The following C2CD3 variants were observed in gnomAD, a reference collection of about 807,000 sequenced individuals.
C2CD3 encodes C2 domain-containing protein 3.
In C2CD3, 148 loss-of-function variants were observed where a neutral mutation model predicts 234.0. The observed-to-expected ratio is 0.63, with a 90% confidence interval of 0.55 to 0.72. C2CD3 has a LOEUF of 0.72. Among genes scored for constraint, C2CD3 ranks in the 30% least tolerant of loss-of-function variants. C2CD3 has a pLI of 0.00. For missense variants in C2CD3, 2,577 were observed against 2,811.5 expected (o/e 0.92, Z 1.89); for synonymous variants, 1,000 against 1,035.4 (o/e 0.97, Z 0.66).
In C2CD3 at chr11:74,139,514, T is replaced by TA. The variant is rs1957974625; in HGVS notation, c.707+90dup. 4.4e-5 allele frequency: 42 copies of TA among 957,946 alleles called. 1 individual carries two copies. The South Asian group carries it at 5.6e-4, about 13-fold the overall frequency. The allele number at this position is 957,946 out of a possible 1,614,324, so 59.3% of individuals were successfully genotyped here. On this transcript the variant is annotated intron_variant, in intron 4 of 32. Transcript: ENST00000334126. ...TGAGGACTGTGCCTCTCTCTGCTGTTAATCTTTTACTCAACCATAAATGAA... is the reference window on the plus strand; with the variant it reads ...TGAGGACTGTGCCTCTCTCTGCTGTTAAATCTTTTACTCAACCATAAATGAA...
intron 15 of C2CD3, among the ~76,000 whole-genome samples, chr11:74,098,832 T>C (rs1185505985): frequency 2.0e-5 from 3 of 152,214 alleles, no homozygotes; most frequent in Non-Finnish European, 2.9e-5. Flanking sequence ...TGATAAATGA[T>C]TTATAATGCC....
chr11:74,102,599 A>C (rs1290902634), intron 14 of C2CD3, among the ~76,000 whole-genome samples: 1 of 152,208 alleles, frequency 6.6e-6, no homozygotes, highest in Non-Finnish European at 1.5e-5. Context: ...TACTGGGGTT[A>C]CCACCCTTTT....
chr11:74,082,645 G>A lies in C2CD3; in HGVS notation c.4000+2236C>T, dbSNP rs982495136. ...TCCCAGGGATGAAGCCAACTTGATC[G>A]TGGTGGATAAGCTTTTTGATATGCT... On this transcript the variant is annotated intron_variant, in intron 22 of 32. Coordinates refer to ENST00000334126, the MANE Select transcript of C2CD3 (RefSeq NM_001286577.2). 1.2e-4 allele frequency among the ~76,000 whole-genome samples: 19 copies of A among 152,088 alleles called. 1 individual carries two copies. Among genetic ancestry groups the A allele is most frequent in the Non-Finnish European group, 1.8e-4 (12 of 68,010 alleles).
intron 32 of C2CD3, among the ~76,000 whole-genome samples, chr11:74,020,041 T>C (rs937379260): frequency 6.6e-6 from 1 of 152,212 alleles, no homozygotes; most frequent in Non-Finnish European, 1.5e-5. Flanking sequence ...CCTTGTCTCA[T>C]ACTTTCTGCC....
chr11:74,088,746 A>G (rs1955761907), intron 20 of C2CD3, among the ~76,000 whole-genome samples: 1 of 152,216 alleles, frequency 6.6e-6, no homozygotes, highest in South Asian at 2.1e-4. Flanking sequence ...GTACTCCAAA[A>G]ACACAAGTTT....
intron 2 of C2CD3, among the ~76,000 whole-genome samples, chr11:74,162,779 G>A (rs1281125728): frequency 6.6e-6 from 1 of 152,156 alleles, no homozygotes; most frequent in Non-Finnish European, 1.5e-5. Context: ...CTCAGGCTTT[G>A]GTTTTGACAC....
At chr11:74,061,413 C>T (rs1954238225) in intron 24 of C2CD3, among the ~76,000 whole-genome samples, 1 of 152,228 alleles carries the variant, frequency 6.6e-6, no homozygotes, top group South Asian at 2.1e-4. Flanking sequence ...GCCCATCAGA[C>T]TAACAGCAGA....
chr11:74,110,103 A>T (rs1023035925), intron 11 of C2CD3, among the ~76,000 whole-genome samples: 3 of 125,684 alleles, frequency 2.4e-5, no homozygotes, highest in East Asian at 2.4e-4. Context: ...ATAAATAAAT[A>T]AAATAAAATA....
chr11:74,033,406 T>C lies in C2CD3; in HGVS notation c.6754A>G (p.Arg2252Gly). ...GATCCAGTTGTCACCTGCCTCTGCC[T>C]GATGTCAGAGGAGTCGATGGGTGGT... ...KGPPIDSSDI[R>G]QRQVTTGSET... The change falls in exon 31 of 33, where the codon AGG (arginine) becomes GGG (glycine). Residue 2252 changes from arginine to glycine, a missense_variant. Physicochemically the swap from Arg to Gly is moderately radical, Grantham distance 125. Transcript: ENST00000334126. The C allele has an allele frequency of 6.5e-7, 1 of 1,536,146 alleles. No individual in the cohort carries two copies. Among genetic ancestry groups the C allele is most frequent in the Non-Finnish European group, 8.7e-7 (1 of 1,146,878 alleles).
intron 22 of C2CD3, among the ~76,000 whole-genome samples, chr11:74,084,078 T>C (rs1955524322): frequency 6.6e-6 from 1 of 151,910 alleles, no homozygotes; most frequent in Non-Finnish European, 1.5e-5. Flanking sequence ...ATTAAGAAAA[T>C]GTGGCACATA....
chr11:74,056,353 C>G (rs927569867), intron 25 of C2CD3, among the ~76,000 whole-genome samples: 2 of 152,220 alleles, frequency 1.3e-5, no homozygotes, highest in Non-Finnish European at 2.9e-5. Flanking sequence ...CCTATGCCAG[C>G]CCCCTCACAT....
intron 24 of C2CD3, among the ~76,000 whole-genome samples, chr11:74,068,446 C>T (rs980730986): frequency 6.6e-6 from 1 of 152,116 alleles, no homozygotes; most frequent in Non-Finnish European, 1.5e-5. Flanking sequence ...TGCTGACTTC[C>T]CACTGCCCTT....
chr11:74,028,491 C>T, intron 31 of C2CD3, 93 bp from the exon 32 acceptor site: 2 of 755,592 alleles, frequency 2.6e-6, no homozygotes, highest in Non-Finnish European at 4.2e-6. Flanking sequence ...TCTGCCCCCA[C>T]TCATGTTTTT....
At chr11:74,157,705 G>T (rs1856128190) in intron 3 of C2CD3, among the ~76,000 whole-genome samples, 1 of 151,918 alleles carries the variant, frequency 6.6e-6, no homozygotes, top group South Asian at 2.1e-4. Flanking sequence ...GAATACAATT[G>T]ACAAAGTATA....
chr11:74,017,632 T>A (rs1029493640), intron 32 of C2CD3, among the ~76,000 whole-genome samples: 1 of 152,202 alleles, frequency 6.6e-6, no homozygotes, highest in Non-Finnish European at 1.5e-5. Flanking sequence ...CCAAGCGGTG[T>A]TGGGCAACCC....
At chr11:74,085,911 A>T in intron 20 of C2CD3, 25 bp from the exon 21 acceptor site, 1 of 1,585,260 alleles carries the variant, frequency 6.3e-7, no homozygotes, top group Non-Finnish European at 8.6e-7. Context: ...GGTGGAAATG[A>T]GAAGATACCA....
intron 25 of C2CD3, among the ~76,000 whole-genome samples, chr11:74,055,297 C>T (rs1183130513): frequency 6.6e-6 from 1 of 152,072 alleles, no homozygotes; most frequent in African/African-American, 2.4e-5. Flanking sequence ...GGCAAGGCAA[C>T]AAAATAAGAA....
intron 3 of C2CD3, among the ~76,000 whole-genome samples, chr11:74,158,017 T>A (rs1856153300): frequency 6.6e-6 from 1 of 152,178 alleles, no homozygotes; most frequent in Non-Finnish European, 1.5e-5. Flanking sequence ...ACTCCTCTCA[T>A]CATACATAAA....
rs757220593 is a variant in C2CD3, at chr11:74,084,952, A to G, written c.3929T>C (p.Ile1310Thr). The G allele has an allele frequency of 4.0e-5, 64 of 1,608,652 alleles. No individual in the cohort carries two copies. In the East Asian group the frequency reaches 1.3e-3, roughly 33 times the overall value. ...NTKSASDIISIESCKEYLLGV... is the reference protein window; with the variant it reads ...NTKSASDIISTESCKEYLLGV... ...AAGCAGATACTCTTTGCATGACTCA[A>G]TACTGATTATATCACTTGCTGTTAA... Residue 1310 changes from isoleucine to threonine, a missense_variant, in exon 22 of 33, where the codon ATT (isoleucine) becomes ACT (threonine). Coordinates refer to ENST00000334126, the MANE Select transcript of C2CD3 (RefSeq NM_001286577.2).
Sources: gnomAD v4.1 joint callset for allele counts (sites outside exome capture counted in the v4.1 genomes callset) on GRCh38, gnomAD v4.1.1 for gene constraint, MANE v1.5 for transcripts, NCBI Gene and HGNC (gene_info 2026-07-23, HGNC 2026-07-21) for gene names.